OR10AD1: variants seen among roughly 807,000 people sequenced by gnomAD.
OR10AD1 encodes the protein olfactory receptor family 10 subfamily AD member 1.
For synonymous variants in OR10AD1, 115 were observed against 72.2 expected, an observed-to-expected ratio of 1.59 and a Z score of -3.00; for missense variants, 309 against 192.7, an observed-to-expected ratio of 1.60 and a Z score of -3.57.
Position 48,203,223 on chromosome 12 carries a change from G to T in OR10AD1, c.70C>A (p.Arg24=), listed in dbSNP as rs368223488. 2 of 781,058 alleles carry T rather than the reference G, an allele frequency of 2.6e-6. No individual in the cohort carries two copies. Among genetic ancestry groups the T allele is most frequent in the Non-Finnish European group, 4.8e-6 (2 of 418,128 alleles). The allele number at this position is 781,058 out of a possible 1,614,324, so 48.4% of individuals were successfully genotyped here. ...VGFQQSSTST[R]ALLFALFLAL... is the part of the protein sequence containing the mutation. ...AAGAAGAGGGCAAAGAGCAATGCTC[G>T]TGTGGAAGTGGAGCTCTGCTGAAAG... The change falls in exon 1 of 1, where the codon CGA becomes AGA. Residue 24 remains arginine, a synonymous_variant. Coordinates refer to ENST00000310248, the MANE Select transcript of OR10AD1 (RefSeq NM_001004134.1).
rs144247841 is a variant in OR10AD1, at chr12:48,203,092, C to CA, written c.200dup (p.Ser68ValfsTer55). On this transcript the variant is annotated frameshift_variant, in exon 1 of 1. Coordinates refer to ENST00000310248, the MANE Select transcript of OR10AD1 (RefSeq NM_001004134.1). LOFTEE classifies it low-confidence loss of function (END_TRUNC). ...TGATGAAGCAGACATCCAGGAGAGA[C>CA]AGATGGCCGAGGAAGAAGTACATGG... 0.21 allele frequency: 165,187 copies of CA among 780,474 alleles called. 18,623 individuals carry two copies. Among genetic ancestry groups the CA allele is most frequent in the African/African-American group, 0.27 (16,063 of 59,154 alleles). 48.3% of individuals were successfully genotyped at this position (780,474 alleles called of 1,614,324 possible).
Position 48,202,926 on chromosome 12 carries a change from G to C in OR10AD1, c.367C>G (p.Arg123Gly), listed in dbSNP as rs773819898. Residue 123 changes from arginine (R) to glycine (G), a missense_variant, in exon 1 of 1, where the codon CGT becomes GGT. Arg to Gly is a moderately radical substitution (Grantham distance 125, BLOSUM62 -2). Transcript: ENST00000310248. ...AGTGGGTAGCAGATAGCAACATAAC[G>C]GTCATAGGCCATGAAAGCCAAGAGG... ...CILLAFMAYD[R>G]YVAICYPLNY... is the part of the protein sequence containing the mutation. 1 of 781,032 alleles carries C rather than the reference G, an allele frequency of 1.3e-6. No homozygotes were observed. Among genetic ancestry groups the C allele is most frequent in the Non-Finnish European group, 2.4e-6 (1 of 418,126 alleles). 48.4% of individuals were successfully genotyped at this position (781,032 alleles called of 1,614,324 possible). A position where few individuals can be genotyped will look rare whatever the true frequency, so the allele number is the denominator to read the frequency against.
chr12:48,202,506 G>T lies in OR10AD1; in HGVS notation c.787C>A (p.Pro263Thr). 1 of 781,018 alleles carries T rather than the reference G, an allele frequency of 1.3e-6. No individual in the cohort carries two copies. The highest frequency in any genetic ancestry group is 2.4e-6 in the Non-Finnish European group (1 of 418,118). 48.4% of individuals were successfully genotyped at this position (781,018 alleles called of 1,614,324 possible). The change falls in exon 1 of 1, where the codon CCC becomes ACC. Residue 263 changes from proline to threonine, a missense_variant. Transcript: ENST00000310248. ...YTSAMFSYMN[P>T]HSTHGPDKDK... ...TTGTCAGGCCCATGTGTGCTGTGGG[G>T]GTTCATGTAAGAGAACATAGCTGAA...
chr12:48,202,832 A>T lies in OR10AD1; in HGVS notation c.461T>A (p.Leu154Gln). ...ATACTCGAGAAAGATGCCATTGATC[A>T]GCCCAAAGAACCAGGCAGTTCCCAC... The part of the protein sequence containing the change: ...RLVGTAWFFG[L>Q]INGIFLEYIS... The change falls in exon 1 of 1, where the codon CTG becomes CAG. Residue 154 changes from leucine (L) to glutamine (Q), a missense_variant. Coordinates refer to ENST00000310248, the MANE Select transcript of OR10AD1 (RefSeq NM_001004134.1). 2.6e-6 allele frequency: 2 copies of T among 781,048 alleles called. No homozygotes were observed. The highest frequency in any genetic ancestry group is 4.8e-6 in the Non-Finnish European group (2 of 418,090). 48.4% of individuals were successfully genotyped at this position (781,048 alleles called of 1,614,324 possible).
chr12:48,202,856 A>G lies in OR10AD1; in HGVS notation c.437T>C (p.Val146Ala), dbSNP rs1290212951. The change falls in exon 1 of 1, where the codon GTG becomes GCG. Residue 146 changes from valine to alanine, a missense_variant. Transcript: ENST00000310248. ...CAGCCCAAAGAACCAGGCAGTTCCC[A>G]CAAGCCTGACACAGACCTTCTGGCT... Reference protein sequence around the residue: ...IISQKVCVRLVGTAWFFGLIN... With the variant: ...IISQKVCVRLAGTAWFFGLIN... The G allele has an allele frequency of 3.8e-6, 3 of 780,988 alleles. No individual in the cohort carries two copies. The highest frequency in any genetic ancestry group is 7.2e-6 in the Non-Finnish European group (3 of 418,132). The allele number at this position is 780,988 out of a possible 1,614,324, so 48.4% of individuals were successfully genotyped here. A position where few individuals can be genotyped will look rare whatever the true frequency, so the allele number is the denominator to read the frequency against.
In OR10AD1 at chr12:48,203,194, G is replaced by A. The variant is rs1375199113; in HGVS notation, c.99C>T (p.Ala33=). 2.6e-6 allele frequency: 2 copies of A among 781,098 alleles called. No homozygotes were observed. Among genetic ancestry groups the A allele is most frequent in the Non-Finnish European group, 4.8e-6 (2 of 418,132 alleles). The allele number at this position is 781,098 out of a possible 1,614,324, so 48.4% of individuals were successfully genotyped here. A position where few individuals can be genotyped will look rare whatever the true frequency, so the allele number is the denominator to read the frequency against. Residue 33 remains alanine, a synonymous_variant, in exon 1 of 1, where the codon GCC becomes GCT. Coordinates refer to ENST00000310248, the MANE Select transcript of OR10AD1 (RefSeq NM_001004134.1). The stretch of plus-strand genomic sequence containing the variant: ...TCATGGCCATGGTGAGGCTGTAGAG[G>A]GCCAAGAAGAGGGCAAAGAGCAATG... The part of the protein sequence containing the change: ...TRALLFALFL[A]LYSLTMAMNG...
In OR10AD1 at chr12:48,202,981, A is replaced by G. The variant is rs1275615687; in HGVS notation, c.312T>C (p.Phe104=). The G allele has an allele frequency of 7.7e-6, 6 of 780,974 alleles. No individual in the cohort carries two copies. Among genetic ancestry groups the G allele is most frequent in the Non-Finnish European group, 1.4e-5 (6 of 418,132 alleles). The allele number at this position is 780,974 out of a possible 1,614,324, so 48.4% of individuals were successfully genotyped here. The change falls in exon 1 of 1, where the codon TTT becomes TTC. Residue 104 remains phenylalanine, a synonymous_variant. Transcript: ENST00000310248. ...ACTCGGCCACACCAACACAGAAGAC[A>G]AAGTACATCTGGGTCATGCAACATA... is the stretch of plus-strand genomic sequence containing the variant. ...SFVCCMTQMY[F]VFCVGVAECI...
chr12:48,202,792 C>T lies in OR10AD1; in HGVS notation c.501G>A (p.Glu167=), dbSNP rs377430546. 1 of 780,744 alleles carries T rather than the reference C, an allele frequency of 1.3e-6. No homozygotes were observed. Among genetic ancestry groups the T allele is most frequent in the African/African-American group, 1.7e-5 (1 of 59,126 alleles). The allele number at this position is 780,744 out of a possible 1,614,324, so 48.4% of individuals were successfully genotyped here. A position where few individuals can be genotyped will look rare whatever the true frequency, so the allele number is the denominator to read the frequency against. The change falls in exon 1 of 1, where the codon GAG becomes GAA. Residue 167 remains glutamate, a synonymous_variant. Coordinates refer to ENST00000310248, the MANE Select transcript of OR10AD1 (RefSeq NM_001004134.1). ...CTATGTGGTTGTCTCTGCGGAAGGG[C>T]TCTCGGAATGAAATATACTCGAGAA... is the stretch of plus-strand genomic sequence containing the variant. ...GIFLEYISFR[E]PFRRDNHIES...
At position 48,202,985 on chromosome 12, in the gene OR10AD1, T is replaced by C. The variant is rs896744061; in HGVS notation, c.308A>G (p.Tyr103Cys). The C allele has an allele frequency of 1.2e-5, 9 of 780,834 alleles. No homozygotes were observed. Among genetic ancestry groups the C allele is most frequent in the Non-Finnish European group, 1.9e-5 (8 of 418,106 alleles). The allele number at this position is 780,834 out of a possible 1,614,324, so 48.4% of individuals were successfully genotyped here. Residue 103 changes from tyrosine (Y) to cysteine (C), a missense_variant, in exon 1 of 1, where the codon TAC becomes TGC. Transcript: ENST00000310248. ...VSFVCCMTQM[Y>C]FVFCVGVAEC... ...GGCCACACCAACACAGAAGACAAAG[T>C]ACATCTGGGTCATGCAACATACAAA...
rs572066390 is a variant in OR10AD1, at chr12:48,202,432, GT to G, written c.860del (p.Asn287ThrfsTer17). On this transcript the variant is annotated frameshift_variant, in exon 1 of 1. Coordinates refer to ENST00000310248, the MANE Select transcript of OR10AD1 (RefSeq NM_001004134.1). LOFTEE classifies it low-confidence loss of function (END_TRUNC). ...LLYTIITPMC[N>X]PIIYSFRNKE... is the part of the protein sequence containing the mutation. ...TGTTGCGGAAACTATAAATGATGGG[GT>G]TGCACATGGGGGTAATGATGGTGTA... 5 of 780,962 alleles carry G rather than the reference GT, an allele frequency of 6.4e-6. No individual in the cohort carries two copies. The highest frequency in any genetic ancestry group is 1.2e-5 in the Non-Finnish European group (5 of 418,132). The allele number at this position is 780,962 out of a possible 1,614,324, so 48.4% of individuals were successfully genotyped here. A position where few individuals can be genotyped will look rare whatever the true frequency, so the allele number is the denominator to read the frequency against.
In OR10AD1 at chr12:48,202,974, A is replaced by G. The variant is rs202225905; in HGVS notation, c.319T>C (p.Cys107Arg). ...CCMTQMYFVF[C>R]VGVAECILLA... Reference sequence around the variant, plus strand: ...AGGATGCACTCGGCCACACCAACACAGAAGACAAAGTACATCTGGGTCATG... The same window carrying G: ...AGGATGCACTCGGCCACACCAACACGGAAGACAAAGTACATCTGGGTCATG... The change falls in exon 1 of 1, where the codon TGT becomes CGT. Residue 107 changes from cysteine to arginine, a missense_variant. Cys to Arg is a radical substitution (Grantham distance 180). Transcript: ENST00000310248. The G allele has an allele frequency of 1.8e-5, 14 of 781,080 alleles. No individual in the cohort carries two copies. In the East Asian group the frequency reaches 3.2e-4, roughly 18 times the overall value. 48.4% of individuals were successfully genotyped at this position (781,080 alleles called of 1,614,324 possible).
At position 48,202,485 on chromosome 12, in the gene OR10AD1, C is replaced by G; in HGVS notation, c.808G>C (p.Asp270His). 1.3e-6 allele frequency: 1 copy of G among 781,006 alleles called. No homozygotes were observed. Among genetic ancestry groups the G allele is most frequent in the Non-Finnish European group, 2.4e-6 (1 of 418,122 alleles). The allele number at this position is 781,006 out of a possible 1,614,324, so 48.4% of individuals were successfully genotyped here. ...YMNPHSTHGP[D>H]KDKPFSLLYT... ...AGGAGGGAGAAAGGTTTGTCTTTGT[C>G]AGGCCCATGTGTGCTGTGGGGGTTC... The change falls in exon 1 of 1, where the codon GAC (aspartate) becomes CAC (histidine). Residue 270 changes from aspartate (D) to histidine (H), a missense_variant. Coordinates refer to ENST00000310248, the MANE Select transcript of OR10AD1 (RefSeq NM_001004134.1).
In OR10AD1 at chr12:48,202,727, G is replaced by A. The variant is rs377494951; in HGVS notation, c.566C>T (p.Ser189Phe). Residue 189 changes from serine (S) to phenylalanine (F), a missense_variant, in exon 1 of 1, where the codon TCT (serine) becomes TTT (phenylalanine). Ser to Phe is a radical substitution (Grantham distance 155, BLOSUM62 -2). Transcript: ENST00000310248. ...CAGACTAAACTGAGGGTCCCCACAA[G>A]AGAGGCCAATCACTATGGGGGCCTC... is the stretch of plus-strand genomic sequence containing the variant. Reference protein sequence around the residue: ...FCEAPIVIGLSCGDPQFSLWA... With the variant: ...FCEAPIVIGLFCGDPQFSLWA... The A allele has an allele frequency of 5.1e-6, 4 of 781,062 alleles. No homozygotes were observed. The highest frequency in any genetic ancestry group is 9.6e-6 in the Non-Finnish European group (4 of 418,122). The allele number at this position is 781,062 out of a possible 1,614,324, so 48.4% of individuals were successfully genotyped here.
chr12:48,202,584 T>C lies in OR10AD1; in HGVS notation c.709A>G (p.Lys237Glu), dbSNP rs1297848216. 3 of 780,850 alleles carry C rather than the reference T, an allele frequency of 3.8e-6. No homozygotes were observed. In the East Asian group the frequency reaches 7.3e-5, roughly 19 times the overall value. The allele number at this position is 780,850 out of a possible 1,614,324, so 48.4% of individuals were successfully genotyped here. The part of the protein sequence containing the change: ...LSKASSSGRG[K>E]TFSTCASHLT... ...TGAGAGGCACAAGTAGAGAAAGTCT[T>C]CCCCCGACCTGAGGAGGAGGCTTTG... The change falls in exon 1 of 1, where the codon AAG becomes GAG. Residue 237 changes from lysine (K) to glutamate (E), a missense_variant. Transcript: ENST00000310248.
Position 48,202,416 on chromosome 12 carries a change from A to G in OR10AD1, c.877T>C (p.Phe293Leu). 1.3e-6 allele frequency: 1 copy of G among 781,032 alleles called. No homozygotes were observed. Among genetic ancestry groups the G allele is most frequent in the Non-Finnish European group, 2.4e-6 (1 of 418,096 alleles). 48.4% of individuals were successfully genotyped at this position (781,032 alleles called of 1,614,324 possible). A position where few individuals can be genotyped will look rare whatever the true frequency, so the allele number is the denominator to read the frequency against. The change falls in exon 1 of 1, where the codon TTC (phenylalanine) becomes CTC (leucine). Residue 293 changes from phenylalanine (F) to leucine (L), a missense_variant. Physicochemically the swap from Phe to Leu is conservative, Grantham distance 22 (BLOSUM62 0). Transcript: ENST00000310248. Reference sequence around the variant, plus strand: ...GCCTCCTTAATTTCCTTGTTGCGGAAACTATAAATGATGGGGTTGCACATG... The same window carrying G: ...GCCTCCTTAATTTCCTTGTTGCGGAGACTATAAATGATGGGGTTGCACATG... ...TPMCNPIIYS[F>L]RNKEIKEAMV...
In OR10AD1 at chr12:48,202,357, G is replaced by A. The variant is rs762915268; in HGVS notation, c.936C>T (p.Ala312=). 2.7e-5 allele frequency: 21 copies of A among 770,690 alleles called. No homozygotes were observed. In the South Asian group the frequency reaches 2.9e-4, roughly 11 times the overall value. 47.7% of individuals were successfully genotyped at this position (770,690 alleles called of 1,614,324 possible). Residue 312 remains alanine, a synonymous_variant, in exon 1 of 1, where the codon GCC becomes GCT. Transcript: ENST00000310248. ...CTTCCTGCTAGACAGACTGTGGCTG[G>A]GCCAGCCTGGTTCTTCCAAGTGCCC... is the stretch of plus-strand genomic sequence containing the variant. ...MVRALGRTRL[A]QPQSV
Position 48,203,046 on chromosome 12 carries a change from A to C in OR10AD1, c.247T>G (p.Leu83Val). The change falls in exon 1 of 1, where the codon TTG becomes GTG. Residue 83 changes from leucine (L) to valine (V), a missense_variant. Coordinates refer to ENST00000310248, the MANE Select transcript of OR10AD1 (RefSeq NM_001004134.1). The stretch of plus-strand genomic sequence containing the variant: ...TGGTCCCTGACCACGAGGTGGATCA[A>C]CATCTGTGGGATGGTAGTGGTGATG... The part of the protein sequence containing the change: ...CFITTTIPQM[L>V]IHLVVRDHIV... The C allele has an allele frequency of 5.1e-6, 4 of 781,034 alleles. No individual in the cohort carries two copies. The South Asian group carries it at 5.4e-5, about 10-fold the overall frequency. 48.4% of individuals were successfully genotyped at this position (781,034 alleles called of 1,614,324 possible).
rs1951602680 is a variant in OR10AD1, at chr12:48,202,739, A to ACAAGAGAGG, written c.553_554insCCTCTCTTG (p.Ile184_Val185insAlaSerLeu). ...AGGGTCCCCACAAGAGAGGCCAATC[A>ACAAGAGAGG]CTATGGGGGCCTCACAGAAGAAGCT... On this transcript the variant is annotated inframe_insertion, in exon 1 of 1. Coordinates refer to ENST00000310248, the MANE Select transcript of OR10AD1 (RefSeq NM_001004134.1). The ACAAGAGAGG allele has an allele frequency of 1.3e-6, 1 of 780,966 alleles. No individual in the cohort carries two copies. The highest frequency in any genetic ancestry group is 1.7e-5 in the African/African-American group (1 of 59,152). The allele number at this position is 780,966 out of a possible 1,614,324, so 48.4% of individuals were successfully genotyped here.
At position 48,202,492 on chromosome 12, in the gene OR10AD1, A is replaced by G. The variant is rs757956047; in HGVS notation, c.801T>C (p.His267=). 6 of 780,944 alleles carry G rather than the reference A, an allele frequency of 7.7e-6. No homozygotes were observed. Among genetic ancestry groups the G allele is most frequent in the East Asian group, 2.4e-5 (1 of 41,264 alleles). 48.4% of individuals were successfully genotyped at this position (780,944 alleles called of 1,614,324 possible). A position where few individuals can be genotyped will look rare whatever the true frequency, so the allele number is the denominator to read the frequency against. ...MFSYMNPHST[H]GPDKDKPFSL... The stretch of plus-strand genomic sequence containing the variant: ...AGAAAGGTTTGTCTTTGTCAGGCCC[A>G]TGTGTGCTGTGGGGGTTCATGTAAG... The change falls in exon 1 of 1, where the codon CAT becomes CAC. Residue 267 remains histidine, a synonymous_variant. Coordinates refer to ENST00000310248, the MANE Select transcript of OR10AD1 (RefSeq NM_001004134.1).
Sources: allele counts gnomAD v4.1 joint callset, GRCh38; gene constraint gnomAD v4.1.1; transcripts MANE v1.5; gene names NCBI Gene and HGNC (gene_info 2026-07-23, HGNC 2026-07-21).